Variants in DLG2 observed in about 807,000 individuals in gnomAD.
The protein encoded by DLG2 is disks large homolog 2.
DLG2 carries 45 observed loss-of-function variants against 132.5 expected under a neutral mutation model. The observed-to-expected ratio is 0.34, with a 90% confidence interval of 0.27 to 0.44. The LOEUF (loss-of-function observed/expected upper bound fraction) is 0.44. Ranked by LOEUF, DLG2 falls within the 20% of genes least tolerant of loss-of-function variation. The pLI is 1.00. For missense variants in DLG2, 1,045 were observed against 1,196.9 expected, an observed-to-expected ratio of 0.87 and a Z score of 1.87; for synonymous variants, 424 against 419.6, an observed-to-expected ratio of 1.01 and a Z score of -0.13.
At chr11:85,020,017 C>G (rs1387531411) in intron 6 of DLG2, among the ~76,000 whole-genome samples, 1 of 152,140 alleles carries the variant, frequency 6.6e-6, no homozygotes, top group South Asian at 2.1e-4. Context: ...GGTATTTCTA[C>G]TTCTAGATCC....
intron 6 of DLG2, chr11:85,020,767 C>G: frequency 2.9e-6 from 2 of 691,384 alleles, no homozygotes; most frequent in South Asian, 2.7e-5. Flanking sequence ...CTAAACCCTG[C>G]TATGTGCTTC....
intron 6 of DLG2, among the ~76,000 whole-genome samples, chr11:85,016,299 A>G (rs2059569735): frequency 6.6e-6 from 1 of 152,126 alleles, no homozygotes; most frequent in South Asian, 2.1e-4. Flanking sequence ...CTAAATTACT[A>G]TACTTTTTGA....
chr11:84,188,842 G>A (rs1255098948), intron 8 of DLG2, among the ~76,000 whole-genome samples: 1 of 152,142 alleles, frequency 6.6e-6, no homozygotes, highest in East Asian at 1.9e-4. Context: ...AGGACAGTCT[G>A]TAGCAAGGCT....
At chr11:83,994,741 C>T (rs565998659) in intron 11 of DLG2, among the ~76,000 whole-genome samples, 1 of 152,184 alleles carries the variant, frequency 6.6e-6, no homozygotes, top group South Asian at 2.1e-4. Context: ...AAGTAAGCAT[C>T]GTAACTAACA....
intron 3 of DLG2, among the ~76,000 whole-genome samples, chr11:85,535,924 G>C (rs1193156566): frequency 6.6e-6 from 1 of 151,016 alleles, no homozygotes; most frequent in Non-Finnish European, 1.5e-5. Flanking sequence ...TATATAAAAT[G>C]TTTAAAATAG....
chr11:85,618,356 A>G (rs2081477976), intron 2 of DLG2, among the ~76,000 whole-genome samples: 1 of 152,260 alleles, frequency 6.6e-6, no homozygotes, highest in Non-Finnish European at 1.5e-5. Context: ...GCATATAAGG[A>G]GAATATATAT....
intron 6 of DLG2, among the ~76,000 whole-genome samples, chr11:84,657,226 A>G (rs930103234): frequency 3.9e-5 from 6 of 152,202 alleles, no homozygotes; most frequent in African/African-American, 1.4e-4. Context: ...CTAATGGCCA[A>G]AAAGTTCACA....
At chr11:84,909,696 T>C (rs2091889965) in intron 6 of DLG2, among the ~76,000 whole-genome samples, 1 of 152,182 alleles carries the variant, frequency 6.6e-6, no homozygotes, top group African/African-American at 2.4e-5. Context: ...CAGTAAGAAT[T>C]ATACATGGAA....
At chr11:85,352,515 TCTTTCCTG>T (rs1334083446) in intron 3 of DLG2, among the ~76,000 whole-genome samples, 2 of 152,196 alleles carry the variant, frequency 1.3e-5, no homozygotes, top group Non-Finnish European at 1.5e-5. Flanking sequence ...TGATTTTAGA[TCTTTCCTG>T]CTTTCTCTGG....
intron 6 of DLG2, among the ~76,000 whole-genome samples, chr11:84,819,569 A>G (rs2077456118): frequency 6.6e-6 from 1 of 151,668 alleles, no homozygotes; most frequent in Non-Finnish European, 1.5e-5. Context: ...TAAAAAAAAA[A>G]TCACTCTACA....
chr11:83,522,826 A>G, intron 21 of DLG2, among the ~76,000 whole-genome samples: 1 of 139,256 alleles, frequency 7.2e-6, no homozygotes, highest in Non-Finnish European at 1.5e-5. Flanking sequence ...TTTTTTTTTT[A>G]ATCAAAATGC....
intron 6 of DLG2, among the ~76,000 whole-genome samples, chr11:84,683,127 C>A (rs1391674238): frequency 1.3e-5 from 2 of 152,072 alleles, no homozygotes; most frequent in Non-Finnish European, 1.5e-5. Flanking sequence ...AAAGGAAGGG[C>A]ATTTCTGGAA....
intron 3 of DLG2, among the ~76,000 whole-genome samples, chr11:85,349,636 C>T (rs920390394): frequency 3.9e-5 from 6 of 152,096 alleles, no homozygotes; most frequent in African/African-American, 1.2e-4. Context: ...TGTTCAATTC[C>T]CACCTATAAG....
At chr11:85,277,338 T>G (rs1174864725) in intron 4 of DLG2, among the ~76,000 whole-genome samples, 1 of 152,138 alleles carries the variant, frequency 6.6e-6, no homozygotes, top group Admixed American at 6.5e-5. Flanking sequence ...AGGTCAAACA[T>G]AGAGATATTT....
At position 84,435,653 on chromosome 11, in the gene DLG2, C is replaced by A. The variant is rs531706249; in HGVS notation, c.519+98917G>T. Among the ~76,000 whole-genome samples, 8 of 152,226 alleles carry A rather than the reference C, an allele frequency of 5.3e-5. 1 individual carries two copies. The South Asian group carries it at 1.7e-3, about 32-fold the overall frequency. On this transcript the variant is annotated intron_variant, in intron 7 of 27. Coordinates refer to ENST00000376104, the MANE Select transcript of DLG2 (RefSeq NM_001142699.3). ...AATAATTTGAACCCTTAAAATCAAACTTGGTTTCTTCTGGCTTGTTTTAAA... is the reference window on the plus strand; with the variant it reads ...AATAATTTGAACCCTTAAAATCAAAATTGGTTTCTTCTGGCTTGTTTTAAA...
intron 19 of DLG2, among the ~76,000 whole-genome samples, chr11:83,569,365 G>A (rs1289673015): frequency 6.6e-6 from 1 of 152,068 alleles, no homozygotes; most frequent in Non-Finnish European, 1.5e-5. Flanking sequence ...ACAGAAAAAT[G>A]GAAACAGTAC....
chr11:83,733,240 CAAAA>C (rs71066061), intron 18 of DLG2, among the ~76,000 whole-genome samples: 1 of 46,250 alleles, frequency 2.2e-5, no homozygotes, highest in African/African-American at 7.6e-5. Context: ...GACCCCATCT[CAAAA>C]AAAAAAAAAA....
chr11:84,785,717 C>A (rs11820238), intron 6 of DLG2, among the ~76,000 whole-genome samples: 3 of 151,934 alleles, frequency 2.0e-5, no homozygotes, highest in African/African-American at 7.2e-5. Context: ...TAAATAATAT[C>A]TTTATGAAAT....
intron 8 of DLG2, among the ~76,000 whole-genome samples, chr11:84,234,068 G>T (rs1030437451): frequency 6.6e-6 from 1 of 152,186 alleles, no homozygotes; most frequent in Non-Finnish European, 1.5e-5. Context: ...GGCTGGTAAG[G>T]GAAGAATGCC....
Sources: allele counts gnomAD v4.1 joint callset (sites outside exome capture counted in the v4.1 genomes callset), GRCh38; gene constraint gnomAD v4.1.1; transcripts MANE v1.5; gene names NCBI Gene and HGNC (gene_info 2026-07-23, HGNC 2026-07-21).